MPC2: variants seen among roughly 807,000 people sequenced by gnomAD.
MPC2 encodes the protein mitochondrial pyruvate carrier 2.
In MPC2, 19 loss-of-function variants were observed where a neutral mutation model predicts 19.2. That is an observed-to-expected ratio of 0.99 (90% CI 0.69 to 1.45). The LOEUF (loss-of-function observed/expected upper bound fraction) is 1.45. Ranked by LOEUF, MPC2 falls within the 40% of genes most tolerant of loss-of-function variation. The pLI, the probability that MPC2 is intolerant of heterozygous loss-of-function variation, is 0.00. For synonymous variants in MPC2, 61 were observed against 54.3 expected (o/e 1.12, Z -0.54); for missense variants, 122 against 153.0 (o/e 0.80, Z 1.07).
chr1:167,936,852 C>G (rs1021044866), intron 1 of MPC2, 87 bp downstream of exon 1: 1 of 1,393,896 alleles, frequency 7.2e-7, no homozygotes, highest in African/African-American at 1.4e-5. Flanking sequence ...CGGGTGTCCC[C>G]TCCCCCTCCT....
At position 167,924,494 on chromosome 1, in the gene MPC2, T is replaced by C; in HGVS notation, c.150+3A>G. 6.3e-7 allele frequency: 1 copy of C among 1,592,220 alleles called. No individual in the cohort carries two copies. ...GTAGCTTCCGTAAAAACTCAAGACT[T>C]ACCCATTTCATAATTGGAGCCCAGA... On this transcript the variant is annotated splice_donor_region_variant and intron_variant, in intron 3 of 5. Coordinates refer to ENST00000271373, the MANE Select transcript of MPC2 (RefSeq NM_001143674.4).
chr1:167,919,953 T>C, intron 5 of MPC2, 26 bp downstream of exon 5: 1 of 1,559,842 alleles, frequency 6.4e-7, no homozygotes, highest in Non-Finnish European at 8.7e-7. Flanking sequence ...TTGCAACAGT[T>C]TTAAAAATAT....
In MPC2 at chr1:167,925,448, T is replaced by C. The variant is rs1462320665; in HGVS notation, c.110-911A>G. Among the ~76,000 whole-genome samples, 100 of 103,214 alleles carry C rather than the reference T, an allele frequency of 9.7e-4. 1 individual carries two copies. The highest frequency in any genetic ancestry group is 3.5e-3 in the South Asian group (12 of 3,416). The allele number at this position is 103,214 out of a possible 152,430, so 67.7% of individuals were successfully genotyped here. A position where few individuals can be genotyped will look rare whatever the true frequency, so the allele number is the denominator to read the frequency against. ...ATACAGATATACATATACACATATA[T>C]ATATATATATATATATATATATATA... is the stretch of plus-strand genomic sequence containing the variant. On this transcript the variant is annotated intron_variant, in intron 2 of 5. Coordinates refer to ENST00000271373, the MANE Select transcript of MPC2 (RefSeq NM_001143674.4).
At chr1:167,925,456 T>TATATATATATATATATACATATAC (rs1670718863) in intron 2 of MPC2, among the ~76,000 whole-genome samples, 10 of 111,908 alleles carry the variant, frequency 8.9e-5, no homozygotes, top group African/African-American at 4.1e-4. Flanking sequence ...TATATATATA[T>TATATATATATATATATACATATAC]ATATATATAT....
rs114610114 is a variant in MPC2 at position 167,923,013 on chromosome 1, G to A, written c.150+1484C>T. On this transcript the variant is annotated intron_variant, in intron 3 of 5. Transcript: ENST00000271373. The stretch of plus-strand genomic sequence containing the variant: ...AACAAAGATATCTAACACCCATTAG[G>A]TGCCTATCATAAAAACAAAAACAAA... Among the ~76,000 whole-genome samples the A allele has an allele frequency of 3.0e-3, 453 of 152,254 alleles. 2 individuals are homozygous for A. The highest frequency in any genetic ancestry group is 0.01 in the African/African-American group (434 of 41,548).
intron 3 of MPC2, 59 bp from the exon 4 acceptor site, chr1:167,920,690 C>A: frequency 1.3e-6 from 2 of 1,503,092 alleles, no homozygotes; most frequent in South Asian, 1.3e-5. Context: ...ATAGTTTTAA[C>A]TTTAAATCAA....
intron 2 of MPC2, among the ~76,000 whole-genome samples, chr1:167,932,156 C>T (rs1399719004): frequency 1.3e-5 from 2 of 152,154 alleles, no homozygotes; most frequent in African/African-American, 4.8e-5. Context: ...ACTAACTTCA[C>T]CAAAGGATAG....
intron 2 of MPC2, among the ~76,000 whole-genome samples, chr1:167,929,833 G>A (rs1354402496): frequency 1.3e-5 from 2 of 152,048 alleles, no homozygotes; most frequent in Admixed American, 1.3e-4. Flanking sequence ...GAAAAATAAA[G>A]TTTCTTACTG....
At chr1:167,918,782 A>G (rs1670531643) in intron 5 of MPC2, among the ~76,000 whole-genome samples, 1 of 151,720 alleles carries the variant, frequency 6.6e-6, no homozygotes, top group Non-Finnish European at 1.5e-5. Flanking sequence ...TTTAGTAGAG[A>G]TGGTGTTTCA....
intron 2 of MPC2, among the ~76,000 whole-genome samples, chr1:167,927,429 A>G (rs1670788464): frequency 6.6e-6 from 1 of 152,222 alleles, no homozygotes; most frequent in African/African-American, 2.4e-5. Context: ...GCTCATACAC[A>G]GTATCAATTA....
intron 3 of MPC2, among the ~76,000 whole-genome samples, chr1:167,923,737 C>G (rs545716032): frequency 2.7e-5 from 4 of 150,776 alleles, no homozygotes; most frequent in Non-Finnish European, 5.9e-5. Flanking sequence ...GGTTTTCAAA[C>G]TTTAGAGGGC....
Position 167,933,169 on chromosome 1 carries a change from GTT to G in MPC2, c.109+2562_109+2563del, listed in dbSNP as rs112730724. On this transcript the variant is annotated intron_variant, in intron 2 of 5. Coordinates refer to ENST00000271373, the MANE Select transcript of MPC2 (RefSeq NM_001143674.4). ...TGTATCTATACATAAAAACACATTAGTTTTTTTTTTTTTTTTTGAGACAGAAC... is the reference window on the plus strand; with the variant it reads ...TGTATCTATACATAAAAACACATTAGTTTTTTTTTTTTTTTGAGACAGAAC... 1.1e-3 allele frequency among the ~76,000 whole-genome samples: 159 copies of G among 139,222 alleles called. 1 individual carries two copies. The South Asian group carries it at 0.023, about 21-fold the overall frequency. The allele number at this position is 139,222 out of a possible 152,430, so 91.3% of individuals were successfully genotyped here. A position where few individuals can be genotyped will look rare whatever the true frequency, so the allele number is the denominator to read the frequency against.
intron 3 of MPC2, among the ~76,000 whole-genome samples, chr1:167,923,852 T>C (rs1176119413): frequency 1.3e-5 from 2 of 152,148 alleles, no homozygotes; most frequent in East Asian, 3.9e-4. Context: ...AGTTCTCAAA[T>C]GATGCCACTG....
At chr1:167,925,444 T>C (rs888590331) in intron 2 of MPC2, among the ~76,000 whole-genome samples, 2,257 of 71,608 alleles carry the variant, frequency 0.032, 65 homozygotes, top group African/African-American at 0.09. Context: ...CATATACACA[T>C]ATATATATAT....
intron 2 of MPC2, among the ~76,000 whole-genome samples, chr1:167,934,721 G>A (rs1301760588): frequency 6.6e-6 from 1 of 152,146 alleles, no homozygotes. Flanking sequence ...TTTTAACTAT[G>A]TAGGAGAATA....
In MPC2 at chr1:167,935,846, GCCGAGGGATC is replaced by G; in HGVS notation, c.-15_-6del. 1 of 1,548,738 alleles carries G rather than the reference GCCGAGGGATC, an allele frequency of 6.5e-7. No homozygotes were observed. Among genetic ancestry groups the G allele is most frequent in the Non-Finnish European group, 8.7e-7 (1 of 1,145,990 alleles). On this transcript the variant is annotated 5_prime_UTR_variant, in exon 2 of 6. Transcript: ENST00000271373. ...TCGGGCACCGGCGGCCGACATCGCC[GCCGAGGGATC>G]GTTGGCAGCCGGGTGGGAGCGTGGC... is the stretch of plus-strand genomic sequence containing the variant.
intron 3 of MPC2, 67 bp downstream of exon 3, chr1:167,924,430 T>A (rs1472789760): frequency 7.3e-7 from 1 of 1,362,040 alleles, no homozygotes; most frequent in Non-Finnish European, 1.0e-6. Context: ...TAAAAGTTAC[T>A]TCAAATTAGT....
intron 2 of MPC2, among the ~76,000 whole-genome samples, chr1:167,928,484 A>T (rs1407531672): frequency 6.6e-6 from 1 of 152,248 alleles, no homozygotes; most frequent in Admixed American, 6.5e-5. Flanking sequence ...AGACATATAT[A>T]AAACAGATAC....
At chr1:167,936,857 C>CAACAA in intron 1 of MPC2, 82 bp downstream of exon 1, 1 of 1,416,080 alleles carries the variant, frequency 7.1e-7, no homozygotes, top group Non-Finnish European at 9.7e-7. Flanking sequence ...GTCCCCTCCC[C>CAACAA]CTCCTCCCCT....
Sources: allele counts gnomAD v4.1 joint callset (sites outside exome capture counted in the v4.1 genomes callset), GRCh38; gene constraint gnomAD v4.1.1; transcripts MANE v1.5; gene names NCBI Gene and HGNC (gene_info 2026-07-23, HGNC 2026-07-21).